The following MSS51 variants were observed in gnomAD, a reference collection of about 807,000 sequenced individuals.
The protein encoded by MSS51 is MSS51 mitochondrial translational activator.
A neutral mutation model predicts 40.2 loss-of-function variants in MSS51; 32 were observed. The ratio of observed to expected loss-of-function variants is 0.80; its 90% CI spans 0.60 to 1.07. The LOEUF (loss-of-function observed/expected upper bound fraction) is 1.07, where lower values mean the gene tolerates loss of function less well. MSS51 is among the 50% of genes least tolerant of loss of function. MSS51 has a pLI of 0.00. For missense variants in MSS51, 518 were observed against 568.9 expected (o/e 0.91, Z 0.91); for synonymous variants, 178 against 214.2 (o/e 0.83, Z 1.48).
Position 73,428,104 on chromosome 10 carries a change from T to C in MSS51, c.181A>G (p.Ile61Val), listed in dbSNP as rs200595444. Residue 61 changes from isoleucine (I) to valine (V), a missense_variant, in exon 2 of 7, where the codon ATC becomes GTC. Physicochemically the swap from Ile to Val is conservative, Grantham distance 29. Transcript: ENST00000299432. ...DDNVPGLSQL[I>V]LQKLNMKSYE... ...CTTTTCATGTTCAGCTTTTGAAGGATCAGCTGCGATAGGCCAGGAACATTA... is the reference window on the plus strand; with the variant it reads ...CTTTTCATGTTCAGCTTTTGAAGGACCAGCTGCGATAGGCCAGGAACATTA... 4.2e-5 allele frequency: 67 copies of C among 1,613,942 alleles called. No homozygotes were observed. The highest frequency in any genetic ancestry group is 5.3e-5 in the Non-Finnish European group (62 of 1,180,014).
intron 1 of MSS51, among the ~76,000 whole-genome samples, chr10:73,433,300 C>T (rs1357351731): frequency 6.6e-6 from 1 of 151,804 alleles, no homozygotes; most frequent in Non-Finnish European, 1.5e-5. Flanking sequence ...AAATGCAAAA[C>T]GTCTTTGGAG....
intron 4 of MSS51, 44 bp from the exon 5 acceptor site, chr10:73,426,421 C>T (rs369167416): frequency 8.8e-6 from 14 of 1,583,040 alleles, no homozygotes; most frequent in African/African-American, 2.7e-5. Context: ...GCTTTCCTGG[C>T]TTCAAAATTT....
At chr10:73,428,888 A>C (rs997041616) in intron 1 of MSS51, among the ~76,000 whole-genome samples, 3 of 152,082 alleles carry the variant, frequency 2.0e-5, no homozygotes, top group Non-Finnish European at 4.4e-5. Flanking sequence ...AATGCATCAA[A>C]AAAGATTTGG....
chr10:73,426,366 G>A lies in MSS51; in HGVS notation c.514C>T (p.Leu172=), dbSNP rs1193565353. 6.2e-7 allele frequency: 1 copy of A among 1,601,328 alleles called. No homozygotes were observed. The highest frequency in any genetic ancestry group is 8.5e-7 in the Non-Finnish European group (1 of 1,179,678). ...GGCCATGGCCAAGGTCCTGAGGGTA[G>A]AACAAAATCACCTGTAGGAAAGAAG... ...EWLLVTGDFV[L]PSGPWPWPPE... is the part of the protein sequence containing the mutation. Residue 172 remains leucine, a synonymous_variant, in exon 5 of 7, where the codon CTA becomes TTA. Transcript: ENST00000299432.
chr10:73,429,640 G>A (rs2056014112), intron 1 of MSS51: 1 of 456,464 alleles, frequency 2.2e-6, no homozygotes, highest in Non-Finnish European at 4.4e-6. Context: ...CTGTGACTCT[G>A]TGCTGTCCTC....
chr10:73,432,001 T>C (rs1391082364), intron 1 of MSS51, among the ~76,000 whole-genome samples: 1 of 152,188 alleles, frequency 6.6e-6, no homozygotes, highest in Non-Finnish European at 1.5e-5. Context: ...AAAGCATTTA[T>C]CTACTCTACC....
intron 1 of MSS51, among the ~76,000 whole-genome samples, chr10:73,430,072 C>T (rs1013659110): frequency 3.9e-5 from 6 of 152,032 alleles, no homozygotes; most frequent in Admixed American, 3.9e-4. Flanking sequence ...GAAATATAGA[C>T]AGAAACATTC....
intron 1 of MSS51, among the ~76,000 whole-genome samples, chr10:73,430,051 GAATA>G (rs1367594136): frequency 1.3e-5 from 2 of 152,210 alleles, no homozygotes; most frequent in Admixed American, 6.5e-5. Flanking sequence ...ACAGAGGAGA[GAATA>G]AACACAGAAA....
intron 1 of MSS51, among the ~76,000 whole-genome samples, chr10:73,430,045 A>G (rs1405610200): frequency 2.0e-5 from 3 of 152,188 alleles, no homozygotes; most frequent in African/African-American, 4.8e-5. Context: ...CTAAGCACAG[A>G]GGAGAGAATA....
At chr10:73,424,839 G>A (rs774971300) in intron 6 of MSS51, 67 bp from the exon 7 acceptor site, 20 of 1,317,936 alleles carry the variant, frequency 1.5e-5, no homozygotes, top group Non-Finnish European at 2.2e-5. Context: ...AACTGCCCAA[G>A]AGCCTGACAT....
rs148994284 is a variant in MSS51 at position 73,425,915 on chromosome 10, G to A, written c.965C>T (p.Thr322Ile). The A allele has an allele frequency of 6.9e-5, 111 of 1,614,134 alleles. No individual in the cohort carries two copies. The African/African-American group carries it at 1.3e-3, about 19-fold the overall frequency. ...GCCCCTGTGGGCACTAAGCTGAATT[G>A]TGCCAGGTTCCAGGGGTGAAGTTGA... ...STSTSPLEPG[T>I]IQLSAHRGLY... is the part of the protein sequence containing the mutation. Residue 322 changes from threonine to isoleucine, a missense_variant, in exon 5 of 7, where the codon ACA becomes ATA. Transcript: ENST00000299432.
At chr10:73,427,321 C>T (rs59407619) in intron 3 of MSS51, among the ~76,000 whole-genome samples, 3,989 of 142,940 alleles carry the variant, frequency 0.028, 196 homozygotes, top group African/African-American at 0.099. Flanking sequence ...CTCTGTCATC[C>T]AGGCTGGAGT....
chr10:73,427,585 G>A (rs773733924), intron 3 of MSS51, 28 bp downstream of exon 3: 2 of 1,580,904 alleles, frequency 1.3e-6, no homozygotes, highest in Non-Finnish European at 1.7e-6. Context: ...ATTTCTGAAT[G>A]TCTCCCTATT....
At chr10:73,426,832 A>ATTAC in intron 3 of MSS51, 101 bp from the exon 4 acceptor site, 1 of 1,399,228 alleles carries the variant, frequency 7.1e-7, no homozygotes, top group Admixed American at 2.0e-5. Flanking sequence ...TGAATGGGTA[A>ATTAC]GGAAGGTAGG....
At chr10:73,430,108 C>T (rs1426742762) in intron 1 of MSS51, among the ~76,000 whole-genome samples, 5 of 152,024 alleles carry the variant, frequency 3.3e-5, no homozygotes, top group South Asian at 2.1e-4. Context: ...TAGAATGACT[C>T]GAGTTTGAAT....
Position 73,428,194 on chromosome 10 carries a change from C to T in MSS51, c.91G>A (p.Val31Met), listed in dbSNP as rs760473231. 1.2e-6 allele frequency: 2 copies of T among 1,614,060 alleles called. No homozygotes were observed. Among genetic ancestry groups the T allele is most frequent in the Admixed American group, 1.7e-5 (1 of 60,018 alleles). ...CCAGGTTTTGAGGGGGTCAGAGGCACAGGGGTCACAATTGTGGTTGGGGCC... is the reference window on the plus strand; with the variant it reads ...CCAGGTTTTGAGGGGGTCAGAGGCATAGGGGTCACAATTGTGGTTGGGGCC... Reference protein sequence around the residue: ...IMAPTTIVTPVPLTPSKPGPS... With the variant: ...IMAPTTIVTPMPLTPSKPGPS... The change falls in exon 2 of 7, where the codon GTG becomes ATG. Residue 31 changes from valine (V) to methionine (M), a missense_variant. Physicochemically the swap from Val to Met is conservative, Grantham distance 21. Transcript: ENST00000299432.
chr10:73,431,049 G>A (rs2056025629), intron 1 of MSS51, among the ~76,000 whole-genome samples: 1 of 152,194 alleles, frequency 6.6e-6, no homozygotes, highest in Non-Finnish European at 1.5e-5. Flanking sequence ...CATGTTGTAT[G>A]ATGCCATTTC....
At chr10:73,432,375 T>A (rs1049309510) in intron 1 of MSS51, among the ~76,000 whole-genome samples, 18 of 152,282 alleles carry the variant, frequency 1.2e-4, no homozygotes, top group African/African-American at 3.4e-4. Flanking sequence ...AATGACTTTT[T>A]TTTTTTTAAA....
intron 1 of MSS51, among the ~76,000 whole-genome samples, chr10:73,429,155 G>A (rs1020930634): frequency 2.1e-4 from 32 of 152,028 alleles, no homozygotes; most frequent in African/African-American, 5.8e-4. Flanking sequence ...GCGGTGAGCC[G>A]AGATCGCACC....
Sources: allele counts gnomAD v4.1 joint callset (sites outside exome capture counted in the v4.1 genomes callset), GRCh38; gene constraint gnomAD v4.1.1; transcripts MANE v1.5; gene names NCBI Gene and HGNC (gene_info 2026-07-23, HGNC 2026-07-21).